Variants in PDE7A observed in about 807,000 individuals in gnomAD.
PDE7A encodes high affinity 3',5'-cyclic-AMP phosphodiesterase 7A.
PDE7A carries 39 observed loss-of-function variants against 64.3 expected under a neutral mutation model. The ratio of observed to expected loss-of-function variants is 0.61; its 90% CI spans 0.47 to 0.79. PDE7A has a LOEUF of 0.79. Ranked by LOEUF, PDE7A falls within the 30% of genes least tolerant of loss-of-function variation. PDE7A has a pLI of 0.00. For missense variants in PDE7A, 470 were observed against 582.8 expected (o/e 0.81, Z 1.99); for synonymous variants, 203 against 206.8 (o/e 0.98, Z 0.16).
At chr8:65,815,581 T>C (rs1180446437) in intron 1 of PDE7A, among the ~76,000 whole-genome samples, 2 of 152,240 alleles carry the variant, frequency 1.3e-5, no homozygotes, top group African/African-American at 4.8e-5. Flanking sequence ...GTGTTCATTT[T>C]ATACTAAAAT....
At chr8:65,735,253 T>C (rs1807077650) in intron 6 of PDE7A, among the ~76,000 whole-genome samples, 1 of 152,076 alleles carries the variant, frequency 6.6e-6, no homozygotes. Flanking sequence ...GGACAGACCA[T>C]CAGAATTCTG....
In PDE7A at chr8:65,727,212, A is replaced by C. The variant is rs747297892; in HGVS notation, c.786T>G (p.Pro262=). 12 of 1,613,222 alleles carry C rather than the reference A, an allele frequency of 7.4e-6. No individual in the cohort carries two copies. Among genetic ancestry groups the C allele is most frequent in the Non-Finnish European group, 1.0e-5 (12 of 1,179,334 alleles). ...HDLDHPGVNQ[P]FLIKTNHYLA... is the part of the protein sequence containing the mutation. ...AGTAATGGTTAGTTTTAATAAGGAA[A>C]GGTTGATTAACACCTGGATGATCCA... The change falls in exon 8 of 13, where the codon CCT becomes CCG. Residue 262 remains proline (P), a synonymous_variant. Coordinates refer to ENST00000401827, the MANE Select transcript of PDE7A (RefSeq NM_001242318.3).
At chr8:65,806,935 T>C (rs1397648137) in intron 1 of PDE7A, among the ~76,000 whole-genome samples, 2 of 152,238 alleles carry the variant, frequency 1.3e-5, no homozygotes, top group African/African-American at 2.4e-5. Context: ...ACTGTCTTGA[T>C]TACCATTGCT....
At chr8:65,776,338 CCTTGA>C (rs1809258658) in intron 3 of PDE7A, among the ~76,000 whole-genome samples, 1 of 152,050 alleles carries the variant, frequency 6.6e-6, no homozygotes, top group Non-Finnish European at 1.5e-5. Flanking sequence ...ATTAACATCA[CCTTGA>C]CTTAATTATT....
chr8:65,775,597 G>A lies in PDE7A; in HGVS notation c.283+4123C>T, dbSNP rs151105996. On this transcript the variant is annotated intron_variant, in intron 3 of 12. Transcript: ENST00000401827. ...TTTGCTATTAATTTCTAGTATCAGT[G>A]ATCCTACGTCCTCTGTCAGTTGCCT... Among the ~76,000 whole-genome samples, 644 of 152,282 alleles carry A rather than the reference G, an allele frequency of 4.2e-3. 3 individuals carry two copies. The highest frequency in any genetic ancestry group is 0.014 in the African/African-American group (576 of 41,568).
intron 1 of PDE7A, among the ~76,000 whole-genome samples, chr8:65,784,784 T>C (rs553553642): frequency 2.5e-4 from 38 of 151,928 alleles, no homozygotes; most frequent in African/African-American, 8.9e-4. Context: ...TAAAAAGCTG[T>C]AGAAAAACAG....
intron 1 of PDE7A, among the ~76,000 whole-genome samples, chr8:65,830,956 TA>T (rs966873449): frequency 6.6e-6 from 1 of 152,000 alleles, no homozygotes. Flanking sequence ...AAAAAGACTA[TA>T]AAAAATTCTG....
At chr8:65,796,242 A>G (rs1243146089) in intron 1 of PDE7A, among the ~76,000 whole-genome samples, 1 of 152,122 alleles carries the variant, frequency 6.6e-6, no homozygotes. Context: ...ACTTGAAGCA[A>G]TAATGATGAA....
chr8:65,749,825 A>C (rs1175955586), intron 3 of PDE7A, among the ~76,000 whole-genome samples: 1 of 152,220 alleles, frequency 6.6e-6, no homozygotes, highest in East Asian at 1.9e-4. Flanking sequence ...TTATATTTCT[A>C]CAGTATTGTT....
intron 3 of PDE7A, among the ~76,000 whole-genome samples, chr8:65,766,661 C>G (rs1808802172): frequency 6.6e-6 from 1 of 152,220 alleles, no homozygotes; most frequent in African/African-American, 2.4e-5. Context: ...TTCTCCCTCT[C>G]TCCTCTTCCT....
At chr8:65,721,301 T>A (rs951163418) in intron 12 of PDE7A, among the ~76,000 whole-genome samples, 1 of 152,222 alleles carries the variant, frequency 6.6e-6, no homozygotes, top group Non-Finnish European at 1.5e-5. Context: ...AGTATTCCTA[T>A]CAAAGAAAGA....
chr8:65,761,930 C>T (rs182590999), intron 3 of PDE7A, among the ~76,000 whole-genome samples: 2 of 152,272 alleles, frequency 1.3e-5, no homozygotes, highest in East Asian at 3.9e-4. Flanking sequence ...ACCCAAATCG[C>T]ATGTTTTCCC....
intron 5 of PDE7A, among the ~76,000 whole-genome samples, chr8:65,740,484 T>C (rs1807368024): frequency 6.6e-6 from 1 of 152,050 alleles, no homozygotes; most frequent in Admixed American, 6.6e-5. Flanking sequence ...CACTGCAACC[T>C]CCACCTCCTG....
At chr8:65,810,360 T>TGG (rs370920760) in intron 1 of PDE7A, among the ~76,000 whole-genome samples, 189 of 124,238 alleles carry the variant, frequency 1.5e-3, no homozygotes, top group Admixed American at 4.8e-3. Flanking sequence ...GGTGGGGGGA[T>TGG]GGGGGAGGGA....
intron 3 of PDE7A, among the ~76,000 whole-genome samples, chr8:65,755,438 G>T (rs995627987): frequency 1.3e-5 from 2 of 152,064 alleles, no homozygotes; most frequent in Admixed American, 1.3e-4. Flanking sequence ...TTACTTTGGG[G>T]TTTACAATTA....
chr8:65,748,422 G>A (rs890981289), intron 3 of PDE7A, among the ~76,000 whole-genome samples: 52 of 152,262 alleles, frequency 3.4e-4, no homozygotes, highest in Admixed American at 1.3e-4. Context: ...GTTCTACAGT[G>A]GAGACTGGAA....
chr8:65,782,535 C>T (rs958713813), intron 2 of PDE7A, among the ~76,000 whole-genome samples: 26 of 152,222 alleles, frequency 1.7e-4, no homozygotes, highest in African/African-American at 3.6e-4. Context: ...AGATGCAATT[C>T]GAAACTGTGT....
rs749444218 is a variant in PDE7A at position 65,779,792 on chromosome 8, C to G, written c.211G>C (p.Val71Leu). 2 of 1,591,684 alleles carry G rather than the reference C, an allele frequency of 1.3e-6. No individual in the cohort carries two copies. Reference sequence around the variant, plus strand: ...GATTCAAATCCTGCTCGGCTCCTTACACGTACATCTCCTGGACAGAATCAA... The same window carrying G: ...GATTCAAATCCTGCTCGGCTCCTTAGACGTACATCTCCTGGACAGAATCAA... Reference protein sequence around the residue: ...LYIRMLGDVRVRSRAGFESER... With the variant: ...LYIRMLGDVRLRSRAGFESER... The change falls in exon 3 of 13, where the codon GTA becomes CTA. Residue 71 changes from valine to leucine, a missense_variant. Coordinates refer to ENST00000401827, the MANE Select transcript of PDE7A (RefSeq NM_001242318.3).
chr8:65,726,330 A>AT (rs3834875), intron 9 of PDE7A, among the ~76,000 whole-genome samples: 16,629 of 149,710 alleles, frequency 0.11, 1,122 homozygotes, highest in Middle Eastern at 0.17. Context: ...TAGCCCATTT[A>AT]TTTTTTTTTC....
Sources: gnomAD v4.1 joint callset for allele counts (sites outside exome capture counted in the v4.1 genomes callset) on GRCh38, gnomAD v4.1.1 for gene constraint, MANE v1.5 for transcripts, NCBI Gene and HGNC (gene_info 2026-07-23, HGNC 2026-07-21) for gene names.